CARM1: variants seen among roughly 807,000 people sequenced by gnomAD.
CARM1 encodes the protein coactivator associated arginine methyltransferase 1.
Under a neutral mutation model 72.7 loss-of-function variants are expected in CARM1, and 14 were observed. The ratio of observed to expected loss-of-function variants is 0.19; its 90% CI spans 0.13 to 0.30. CARM1 has a LOEUF of 0.30. Among genes scored for constraint, CARM1 ranks in the 10% least tolerant of loss-of-function variants. CARM1 has a pLI of 1.00. For missense variants in CARM1, 432 were observed against 833.7 expected (o/e 0.52, Z 5.93); for synonymous variants, 333 against 345.5 (o/e 0.96, Z 0.40).
At chr19:10,876,950 C>T (rs1324911451) in intron 1 of CARM1, among the ~76,000 whole-genome samples, 1 of 152,252 alleles carries the variant, frequency 6.6e-6, no homozygotes, top group Non-Finnish European at 1.5e-5. Context: ...CCCCTTGGCT[C>T]AGAAGCTTAC....
intron 2 of CARM1, 88 bp downstream of exon 2, chr19:10,905,164 G>C: frequency 6.6e-7 from 1 of 1,505,894 alleles, no homozygotes; most frequent in South Asian, 1.2e-5. Flanking sequence ...GCTGAGGGGT[G>C]GCCCGTGCAT....
At chr19:10,913,783 T>G in intron 5 of CARM1, 94 bp from the exon 6 acceptor site, 90 of 1,260,744 alleles carry the variant, frequency 7.1e-5, no homozygotes, top group Non-Finnish European at 8.7e-5. Flanking sequence ...CCAATGCCCA[T>G]GTGTGGATGG....
At chr19:10,890,930 G>A (rs1285020501) in intron 1 of CARM1, among the ~76,000 whole-genome samples, 1 of 150,930 alleles carries the variant, frequency 6.6e-6, no homozygotes, top group Non-Finnish European at 1.5e-5. Context: ...TGACTGGGCG[G>A]GCCATTGCAC....
In CARM1 at chr19:10,921,838, T is replaced by C; in HGVS notation, c.*81T>C. 7.2e-7 allele frequency: 1 copy of C among 1,384,284 alleles called. No individual in the cohort carries two copies. The highest frequency in any genetic ancestry group is 9.8e-7 in the Non-Finnish European group (1 of 1,017,784). 85.8% of individuals were successfully genotyped at this position (1,384,284 alleles called of 1,614,324 possible). A position where few individuals can be genotyped will look rare whatever the true frequency, so the allele number is the denominator to read the frequency against. On this transcript the variant is annotated 3_prime_UTR_variant, in exon 16 of 16. Coordinates refer to ENST00000327064, the MANE Select transcript of CARM1 (RefSeq NM_199141.2). The stretch of plus-strand genomic sequence containing the variant: ...GCCCCCGCCGGGCGGCTTTCCCCCT[T>C]GTACTGGAGAAGCTCGAACACCCGG...
In CARM1 at chr19:10,921,408, G is replaced by A. The variant is rs2074247307; in HGVS notation, c.1649G>A (p.Arg550Gln). Residue 550 changes from arginine (R) to glutamine (Q), a missense_variant, in exon 15 of 16, where the codon CGG becomes CAG. By Grantham distance (43) the Arg-to-Gln change is conservative. Coordinates refer to ENST00000327064, the MANE Select transcript of CARM1 (RefSeq NM_199141.2). The stretch of plus-strand genomic sequence containing the variant: ...GGGATTGTCAATCACACCCACTCCC[G>A]GATGGGCTCCATAATGAGCACGGGG... Reference protein sequence around the residue: ...NTGIVNHTHSRMGSIMSTGIV... With the variant: ...NTGIVNHTHSQMGSIMSTGIV... 2.5e-6 allele frequency: 4 copies of A among 1,610,174 alleles called. No homozygotes were observed. Among genetic ancestry groups the A allele is most frequent in the South Asian group, 1.1e-5 (1 of 90,614 alleles).
At chr19:10,906,492 T>C (rs1327035872) in intron 2 of CARM1, among the ~76,000 whole-genome samples, 2 of 152,220 alleles carry the variant, frequency 1.3e-5, no homozygotes, top group African/African-American at 2.4e-5. Context: ...TCTCGCTCTG[T>C]CACCCAGGCT....
intron 15 of CARM1, 30 bp from the exon 16 acceptor site, chr19:10,921,585 A>C (rs777822722): frequency 6.3e-7 from 1 of 1,595,524 alleles, no homozygotes; most frequent in South Asian, 1.1e-5. Context: ...GGGCCAGGGC[A>C]GCCCCTCACT....
At chr19:10,921,154 G>A in intron 14 of CARM1, 27 bp downstream of exon 14, 1 of 1,604,438 alleles carries the variant, frequency 6.2e-7, no homozygotes, top group South Asian at 1.1e-5. Context: ...GCCAGGGGCA[G>A]CAGGGAGCCA....
intron 8 of CARM1, chr19:10,918,896 A>C (rs1310963247): frequency 6.6e-6 from 1 of 152,214 alleles, no homozygotes; most frequent in Admixed American, 6.5e-5. Context: ...GCTTCCAACA[A>C]CTGGTTTATT....
Position 10,912,138 on chromosome 19 carries a change from A to G in CARM1, c.559-46A>G. The G allele has an allele frequency of 7.4e-7, 1 of 1,356,578 alleles. No individual in the cohort carries two copies. The highest frequency in any genetic ancestry group is 1.1e-6 in the Non-Finnish European group (1 of 944,846). 84.0% of individuals were successfully genotyped at this position (1,356,578 alleles called of 1,614,324 possible). On this transcript the variant is annotated intron_variant, in intron 4 of 15. Transcript: ENST00000327064. This position sits in a 1 kb window ranked among gnomAD's most constrained non-coding sequence, Gnocchi z 4.5. The stretch of plus-strand genomic sequence containing the variant: ...TTATGATCACTGTCACCTCCCCATC[A>G]CCGTCGCCTCCTATGTCTCGCTCTC...
rs2074161661 is a variant in CARM1, at chr19:10,912,692, C to T, written c.669+398C>T. 6.6e-6 allele frequency among the ~76,000 whole-genome samples: 1 copy of T among 152,098 alleles called. No homozygotes were observed. The highest frequency in any genetic ancestry group is 2.4e-5 in the African/African-American group (1 of 41,428). Reference sequence around the variant, plus strand: ...GAGCTATTCCGTGAGCGTCCTCTCGCACCAGTGGAGGCTGCACCCTCCATT... The same window carrying T: ...GAGCTATTCCGTGAGCGTCCTCTCGTACCAGTGGAGGCTGCACCCTCCATT... On this transcript the variant is annotated intron_variant, in intron 5 of 15. Transcript: ENST00000327064. The surrounding 1 kb of genome is among the most constrained non-coding windows in gnomAD (Gnocchi z 4.5).
chr19:10,916,882 C>G lies in CARM1; in HGVS notation c.1020+105C>G. 1 of 805,256 alleles carries G rather than the reference C, an allele frequency of 1.2e-6. No individual in the cohort carries two copies. The highest frequency in any genetic ancestry group is 2.7e-5 in the East Asian group (1 of 36,888). 49.9% of individuals were successfully genotyped at this position (805,256 alleles called of 1,614,324 possible). On this transcript the variant is annotated intron_variant, in intron 8 of 15. Coordinates refer to ENST00000327064, the MANE Select transcript of CARM1 (RefSeq NM_199141.2). The surrounding 1 kb of genome is among the most constrained non-coding windows in gnomAD (Gnocchi z 4.4). ...CCCCTCTCTGAGCCCTCTCCTCTGC[C>G]CTGCACAGCGCTCTCACAGAGATTT... is the stretch of plus-strand genomic sequence containing the variant.
chr19:10,898,816 G>A (rs2074042739), intron 1 of CARM1, among the ~76,000 whole-genome samples: 1 of 152,166 alleles, frequency 6.6e-6, no homozygotes. Flanking sequence ...CCAGGTGTGC[G>A]ATGGCCCACT....
rs550869012 is a variant in CARM1 at position 10,871,708 on chromosome 19, AGCGGCG to A, written c.17_22del (p.Ala6_Ala7del). ...GGCCTGGAGCCGGATCTAAGATGGC[AGCGGCG>A]GCGGCGGCGGTGGGGCCGGGCGCGG... is the stretch of plus-strand genomic sequence containing the variant. On this transcript the variant is annotated inframe_deletion, in exon 1 of 16. Transcript: ENST00000327064. The surrounding 1 kb of genome is among the most constrained non-coding windows in gnomAD (Gnocchi z 5.6). The A allele has an allele frequency of 1.2e-6, 1 of 839,500 alleles. No individual in the cohort carries two copies. Among genetic ancestry groups the A allele is most frequent in the African/African-American group, 2.0e-5 (1 of 50,760 alleles). The allele number at this position is 839,500 out of a possible 1,614,324, so 52.0% of individuals were successfully genotyped here.
intron 1 of CARM1, among the ~76,000 whole-genome samples, chr19:10,873,874 C>A (rs1051261532): frequency 6.6e-6 from 1 of 151,770 alleles, no homozygotes; most frequent in Non-Finnish European, 1.5e-5. Flanking sequence ...CTCCTGACCT[C>A]GTGATCCACC....
intron 4 of CARM1, among the ~76,000 whole-genome samples, chr19:10,911,649 A>G (rs890854319): frequency 6.6e-6 from 1 of 152,184 alleles, no homozygotes; most frequent in African/African-American, 2.4e-5. Flanking sequence ...CAATCCCACA[A>G]ATCCAGAACA....
chr19:10,904,889 A>C, intron 1 of CARM1, 62 bp from the exon 2 acceptor site: 2 of 1,587,294 alleles, frequency 1.3e-6, no homozygotes, highest in Non-Finnish European at 1.7e-6. Context: ...ACAGGGACCC[A>C]GGCTCAAAAG....
chr19:10,906,845 A>T (rs1045842690), intron 2 of CARM1, among the ~76,000 whole-genome samples: 3 of 151,528 alleles, frequency 2.0e-5, no homozygotes, highest in African/African-American at 7.2e-5. Flanking sequence ...CTATTATTCT[A>T]TGTTAATAAA....
intron 1 of CARM1, among the ~76,000 whole-genome samples, chr19:10,873,780 C>T (rs1351022240): frequency 6.6e-6 from 1 of 151,546 alleles, no homozygotes; most frequent in Non-Finnish European, 1.5e-5. Flanking sequence ...GCTGGGACTA[C>T]AGGCGCCTGC....
Sources: gnomAD v4.1 joint callset for allele counts (sites outside exome capture counted in the v4.1 genomes callset) on GRCh38, gnomAD v4.1.1 for gene constraint, Gnocchi (gnomAD v3.1) non-coding constraint, MANE v1.5 for transcripts, NCBI Gene and HGNC (gene_info 2026-07-23, HGNC 2026-07-21) for gene names.